The following SEMA3D variants were observed in gnomAD, a reference collection of about 807,000 sequenced individuals.
SEMA3D encodes the protein semaphorin 3D.
A neutral mutation model predicts 100.1 loss-of-function variants in SEMA3D; 84 were observed. The observed-to-expected ratio is 0.84, with a 90% CI of 0.70 to 1.01. The LOEUF (loss-of-function observed/expected upper bound fraction) is 1.01. Ranked by LOEUF, SEMA3D falls within the 50% of genes least tolerant of loss-of-function variation. The pLI is 0.00. For synonymous variants in SEMA3D, 312 were observed against 320.7 expected (o/e 0.97, Z 0.29); for missense variants, 875 against 934.1 (o/e 0.94, Z 0.82).
At chr7:85,203,748 G>A in the SEMA3D span, among the ~76,000 whole-genome samples, 1 of 152,088 alleles carries the variant, frequency 6.6e-6, no homozygotes, top group Non-Finnish European at 1.5e-5. Flanking sequence ...GTTATGGAAG[G>A]TTGTGGATGC....
intron 3 of SEMA3D, among the ~76,000 whole-genome samples, chr7:85,121,358 C>T (rs1789407798): frequency 6.6e-6 from 1 of 152,070 alleles, no homozygotes; most frequent in Non-Finnish European, 1.5e-5. Flanking sequence ...ATCCTGCTGT[C>T]TTAAATTCTT....
Position 85,058,402 on chromosome 7 carries a change from C to CT in SEMA3D, c.719-2544dup, listed in dbSNP as rs926939185. Among the ~76,000 whole-genome samples the CT allele has an allele frequency of 2.6e-4, 40 of 151,020 alleles. No individual in the cohort carries two copies. The South Asian group carries it at 7.8e-3, about 29-fold the overall frequency. ...TGATCACTGAGCAAAGTAAAAATCT[C>CT]TTTTTTTTTAATCGCAAACCAACAC... On this transcript the variant is annotated intron_variant, in intron 8 of 18. Transcript: ENST00000284136.
At chr7:85,118,479 A>G (rs538962082) in intron 3 of SEMA3D, among the ~76,000 whole-genome samples, 1 of 151,900 alleles carries the variant, frequency 6.6e-6, no homozygotes, top group Non-Finnish European at 1.5e-5. Flanking sequence ...TTCTTATTTT[A>G]AAAATTGTTG....
chr7:85,196,656 G>T, the SEMA3D span, among the ~76,000 whole-genome samples: 2 of 152,140 alleles, frequency 1.3e-5, no homozygotes, highest in South Asian at 2.1e-4. Flanking sequence ...GACTAGAAAA[G>T]ACTTTTCATC....
the SEMA3D span, among the ~76,000 whole-genome samples, chr7:85,215,681 A>T: frequency 6.6e-6 from 1 of 152,172 alleles, no homozygotes; most frequent in Non-Finnish European, 1.5e-5. Context: ...GAAAAAATTA[A>T]ATATACATTT....
intron 7 of SEMA3D, among the ~76,000 whole-genome samples, chr7:85,065,777 A>G (rs1791602143): frequency 6.6e-6 from 1 of 152,224 alleles, no homozygotes; most frequent in Non-Finnish European, 1.5e-5. Context: ...AACAGGCCAA[A>G]TTCTCTGAAT....
the SEMA3D span, among the ~76,000 whole-genome samples, chr7:85,219,752 CATAATTCTAAAATT>C: frequency 6.6e-6 from 1 of 151,912 alleles, no homozygotes; most frequent in Non-Finnish European, 1.5e-5. Flanking sequence ...AAAGATTTTC[CATAATTCTAAAATT>C]ATACACGCAA....
Position 85,073,094 on chromosome 7 carries a change from A to G in SEMA3D, c.376-13T>C. 5 of 1,611,014 alleles carry G rather than the reference A, an allele frequency of 3.1e-6. No homozygotes were observed. Among genetic ancestry groups the G allele is most frequent in the Non-Finnish European group, 4.2e-6 (5 of 1,179,104 alleles). ...TTGCACATTCTGTCTGTTGGGCACA[A>G]AAATTAAAAGCATTAACACACAATT... On this transcript the variant is annotated splice_polypyrimidine_tract_variant and intron_variant, in intron 5 of 18. Transcript: ENST00000284136.
intron 12 of SEMA3D, among the ~76,000 whole-genome samples, chr7:85,033,891 AC>A (rs1790617868): frequency 6.6e-6 from 1 of 151,278 alleles, no homozygotes; most frequent in Non-Finnish European, 1.5e-5. Context: ...ACACACACAC[AC>A]AATCTCCCAG....
the SEMA3D span, among the ~76,000 whole-genome samples, chr7:85,242,598 G>C: frequency 4.6e-5 from 7 of 152,012 alleles, no homozygotes; most frequent in African/African-American, 1.7e-4. Context: ...CTGATTTACT[G>C]CTTGCTGGTT....
chr7:85,073,537 ACC>A (rs1791835931), intron 5 of SEMA3D, among the ~76,000 whole-genome samples: 1 of 152,018 alleles, frequency 6.6e-6, no homozygotes, highest in Admixed American at 6.6e-5. Flanking sequence ...AGCACCCACC[ACC>A]ACACACACCT....
At chr7:85,034,800 ACAT>A (rs922529953) in intron 12 of SEMA3D, among the ~76,000 whole-genome samples, 2 of 152,108 alleles carry the variant, frequency 1.3e-5, no homozygotes, top group African/African-American at 4.8e-5. Context: ...AATATGGATA[ACAT>A]CATAAAAACA....
At position 85,155,851 on chromosome 7, in the gene SEMA3D, A is replaced by G. The variant is rs188575713; in HGVS notation, c.-172-2112T>C. ...AGTTGTGGCACCTCAGTCAACAACA[A>G]TTAAATGCCGAGCTCTTGAAAATAT... On this transcript the variant is annotated intron_variant, in intron 1 of 18. Transcript: ENST00000284136. Among the ~76,000 whole-genome samples, 22 of 152,322 alleles carry G rather than the reference A, an allele frequency of 1.4e-4. No homozygotes were observed. In the East Asian group the frequency reaches 3.9e-3, roughly 27 times the overall value.
intron 1 of SEMA3D, among the ~76,000 whole-genome samples, chr7:85,163,634 C>T (rs886426704): frequency 6.6e-6 from 1 of 152,052 alleles, no homozygotes; most frequent in African/African-American, 2.4e-5. Flanking sequence ...TGATCCAAGA[C>T]AATTTACTAT....
At chr7:85,171,110 A>C (rs1467412688) in intron 1 of SEMA3D, among the ~76,000 whole-genome samples, 1 of 152,040 alleles carries the variant, frequency 6.6e-6, no homozygotes, top group Non-Finnish European at 1.5e-5. Flanking sequence ...CCTTTCCACC[A>C]AAAGACAGTG....
At chr7:85,168,929 G>T (rs570034646) in intron 1 of SEMA3D, among the ~76,000 whole-genome samples, 1 of 151,632 alleles carries the variant, frequency 6.6e-6, no homozygotes, top group Non-Finnish European at 1.5e-5. Context: ...TGTTGGGGCA[G>T]GGGAAGGAAT....
intron 10 of SEMA3D, 162 bp downstream of exon 10, chr7:85,042,009 A>T: frequency 1.6e-6 from 1 of 628,800 alleles, no homozygotes; most frequent in Non-Finnish European, 2.9e-6. Context: ...CCAGACCTAG[A>T]GCACTTCCGT....
At chr7:85,088,720 C>T (rs1306144913) in intron 4 of SEMA3D, among the ~76,000 whole-genome samples, 1 of 152,092 alleles carries the variant, frequency 6.6e-6, no homozygotes, top group Non-Finnish European at 1.5e-5. Context: ...AAGTTTAATT[C>T]TCCATTTTTG....
In SEMA3D at chr7:85,168,620, T is replaced by A. The variant is rs1277967498; in HGVS notation, c.-172-14881A>T. Among the ~76,000 whole-genome samples the A allele has an allele frequency of 1.2e-4, 6 of 50,710 alleles. No homozygotes were observed. In the East Asian group the frequency reaches 0.017, roughly 147 times the overall value. 33.3% of individuals were successfully genotyped at this position (50,710 alleles called of 152,430 possible). On this transcript the variant is annotated intron_variant, in intron 1 of 18. Transcript: ENST00000284136. ...AAAAGTAATTGCGGTTTCTGCAATT[T>A]TTTTTTTTTTTTTTTTTTTAATTTT...
Sources: gnomAD v4.1 joint callset for allele counts (sites outside exome capture counted in the v4.1 genomes callset) on GRCh38, gnomAD v4.1.1 for gene constraint, MANE v1.5 for transcripts, NCBI Gene and HGNC (gene_info 2026-07-23, HGNC 2026-07-21) for gene names.